CNGA1: variants seen among roughly 807,000 people sequenced by gnomAD.
CNGA1 encodes the protein cyclic nucleotide gated channel subunit alpha 1.
In CNGA1, 53 loss-of-function variants were observed where a neutral mutation model predicts 69.7. The ratio of observed to expected loss-of-function variants is 0.76; its 90% CI spans 0.61 to 0.96. CNGA1 has a LOEUF of 0.96. Among genes scored for constraint, CNGA1 ranks in the 40% least tolerant of loss-of-function variants. The pLI is 0.00. For missense variants in CNGA1, 739 were observed against 811.2 expected, an observed-to-expected ratio of 0.91 and a Z score of 1.08; for synonymous variants, 249 against 283.5, an observed-to-expected ratio of 0.88 and a Z score of 1.22.
At chr4:47,998,416 C>T (rs1178045348) in intron 2 of CNGA1, among the ~76,000 whole-genome samples, 1 of 152,152 alleles carries the variant, frequency 6.6e-6, no homozygotes, top group Non-Finnish European at 1.5e-5. Context: ...CTCACACAGA[C>T]CTTGGAGATA....
At chr4:47,944,353 C>G (rs1739268734) in intron 6 of CNGA1, among the ~76,000 whole-genome samples, 1 of 152,126 alleles carries the variant, frequency 6.6e-6, no homozygotes, top group South Asian at 2.1e-4. Flanking sequence ...GGCTTAACAT[C>G]TAAGATGGTC....
At chr4:47,954,424 G>C (rs900421023) in intron 3 of CNGA1, among the ~76,000 whole-genome samples, 1 of 152,204 alleles carries the variant, frequency 6.6e-6, no homozygotes, top group Non-Finnish European at 1.5e-5. Flanking sequence ...GCCCACTTGG[G>C]CTCTGGCACC....
chr4:47,991,040 C>G (rs902511897), intron 2 of CNGA1, among the ~76,000 whole-genome samples: 1 of 152,122 alleles, frequency 6.6e-6, no homozygotes, highest in Non-Finnish European at 1.5e-5. Flanking sequence ...ACCATGATCT[C>G]TTTATCCACT....
At chr4:47,954,766 C>A (rs1481234285) in intron 3 of CNGA1, among the ~76,000 whole-genome samples, 1 of 152,212 alleles carries the variant, frequency 6.6e-6, no homozygotes, top group Non-Finnish European at 1.5e-5. Flanking sequence ...GTGAGGCACC[C>A]CTTCAGGGAT....
At chr4:48,002,392 A>G (rs765449346) in intron 2 of CNGA1, among the ~76,000 whole-genome samples, 6 of 152,200 alleles carry the variant, frequency 3.9e-5, no homozygotes, top group Non-Finnish European at 7.3e-5. Context: ...CTGTAAAGAC[A>G]GACCACAACA....
intron 2 of CNGA1, among the ~76,000 whole-genome samples, chr4:48,008,365 T>A (rs1715011166): frequency 6.6e-6 from 1 of 152,158 alleles, no homozygotes; most frequent in African/African-American, 2.4e-5. Flanking sequence ...CTTACCAAAA[T>A]ATACCTCTTT....
intron 3 of CNGA1, among the ~76,000 whole-genome samples, chr4:47,964,683 T>A (rs1487238903): frequency 6.6e-6 from 1 of 152,096 alleles, no homozygotes; most frequent in Admixed American, 6.6e-5. Context: ...TCCCTACTGA[T>A]CTGAAATGTT....
chr4:48,015,531 A>T (rs1028896455), intron 1 of CNGA1, among the ~76,000 whole-genome samples: 1 of 152,176 alleles, frequency 6.6e-6, no homozygotes, highest in African/African-American at 2.4e-5. Flanking sequence ...TCAGTGTTAA[A>T]ATGCCAGAGC....
At chr4:47,999,265 T>C (rs1326022218) in intron 2 of CNGA1, among the ~76,000 whole-genome samples, 1 of 152,232 alleles carries the variant, frequency 6.6e-6, no homozygotes, top group Non-Finnish European at 1.5e-5. Flanking sequence ...ATATAAAATT[T>C]GGTACTGTCC....
intron 3 of CNGA1, among the ~76,000 whole-genome samples, chr4:47,959,585 G>C (rs139562802): frequency 6.6e-6 from 1 of 152,038 alleles, no homozygotes; most frequent in Non-Finnish European, 1.5e-5. Context: ...TTCTTAGAAA[G>C]GGCACAAAAA....
Position 47,985,767 on chromosome 4 carries a change from CA to C in CNGA1, c.-122-4268del, listed in dbSNP as rs879549476. ...CTTCGTCTATCTTCCCCCACCCCCC[CA>C]AAAAAAACCATATTTAAGAATGAAC... On this transcript the variant is annotated intron_variant, in intron 2 of 10. Transcript: ENST00000514170. 8.0e-4 allele frequency among the ~76,000 whole-genome samples: 121 copies of C among 151,694 alleles called. 2 individuals carry two copies. In the South Asian group the frequency reaches 0.023, roughly 29 times the overall value.
chr4:47,988,703 T>C (rs1451556858), intron 2 of CNGA1, among the ~76,000 whole-genome samples: 1 of 152,092 alleles, frequency 6.6e-6, no homozygotes, highest in Non-Finnish European at 1.5e-5. Context: ...AGTGTGTTCT[T>C]TTCTGAGACA....
chr4:48,011,589 A>G (rs1010331452), intron 1 of CNGA1, among the ~76,000 whole-genome samples: 3 of 152,242 alleles, frequency 2.0e-5, no homozygotes, highest in African/African-American at 7.2e-5. Flanking sequence ...ATCATGGCGC[A>G]TGACACAGCC....
Position 47,948,764 on chromosome 4 carries a change from G to A in CNGA1, c.287+1069C>T, listed in dbSNP as rs114226234. ...TTCCAGCCCAGTTTTGGTGGTAAAT[G>A]GGCAAGTACTGTAGCCATGACTCAA... On this transcript the variant is annotated intron_variant, in intron 6 of 10. Transcript: ENST00000514170. Among the ~76,000 whole-genome samples, 1,344 of 152,300 alleles carry A rather than the reference G, an allele frequency of 8.8e-3. 17 individuals are homozygous for A. The highest frequency in any genetic ancestry group is 0.03 in the African/African-American group (1,234 of 41,544).
intron 2 of CNGA1, among the ~76,000 whole-genome samples, chr4:47,988,198 C>T (rs560363217): frequency 1.3e-5 from 2 of 152,110 alleles, no homozygotes; most frequent in East Asian, 3.9e-4. Flanking sequence ...GATTTTCTTA[C>T]TTAAAGCTAC....
chr4:47,993,444 T>G (rs750483553), intron 2 of CNGA1, among the ~76,000 whole-genome samples: 6 of 152,158 alleles, frequency 3.9e-5, no homozygotes, highest in Non-Finnish European at 8.8e-5. Flanking sequence ...AATTTATCCA[T>G]CTCTTCTAGG....
chr4:47,989,001 C>A, intron 2 of CNGA1, among the ~76,000 whole-genome samples: 1 of 151,918 alleles, frequency 6.6e-6, no homozygotes, highest in East Asian at 1.9e-4. Flanking sequence ...AAGGATATTA[C>A]ATGCTAGACA....
Position 47,937,371 on chromosome 4 carries a change from A to T in CNGA1, c.1111T>A (p.Tyr371Asn). The part of the protein sequence containing the change: ...ETPPPVRDSE[Y>N]VFVVVDFLIG... ...AGGAAATCAACCACCACAAAGACATACTCAGAATCCCTCACGGGAGGGGGT... is the reference window on the plus strand; with the variant it reads ...AGGAAATCAACCACCACAAAGACATTCTCAGAATCCCTCACGGGAGGGGGT... The change falls in exon 11 of 11, where the codon TAT becomes AAT. Residue 371 changes from tyrosine (Y) to asparagine (N), a missense_variant. Transcript: ENST00000514170. 1.2e-6 allele frequency: 2 copies of T among 1,614,152 alleles called. No homozygotes were observed.
intron 3 of CNGA1, among the ~76,000 whole-genome samples, chr4:47,979,291 A>C (rs1007794366): frequency 3.5e-5 from 5 of 144,586 alleles, no homozygotes; most frequent in Non-Finnish European, 6.0e-5. Flanking sequence ...AGTGCACTTC[A>C]GCCTGGGCAA....
Sources: allele counts gnomAD v4.1 joint callset (sites outside exome capture counted in the v4.1 genomes callset), GRCh38; gene constraint gnomAD v4.1.1; transcripts MANE v1.5; gene names NCBI Gene and HGNC (gene_info 2026-07-23, HGNC 2026-07-21).